The following CNTNAP4 variants were observed in gnomAD, a reference collection of about 807,000 sequenced individuals.
The protein encoded by CNTNAP4 is contactin-associated protein-like 4.
In CNTNAP4, 98 loss-of-function variants were observed where a neutral mutation model predicts 148.4. That is an observed-to-expected ratio of 0.66 (90% CI 0.56 to 0.78). The LOEUF is 0.78. Among genes scored for constraint, CNTNAP4 ranks in the 30% least tolerant of loss-of-function variants. The pLI, the probability that CNTNAP4 is intolerant of heterozygous loss-of-function variation, is 0.00. For synonymous variants in CNTNAP4, 730 were observed against 565.1 expected (o/e 1.29, Z -4.14); for missense variants, 1,935 against 1,565.6 (o/e 1.24, Z -3.98).
intron 17 of CNTNAP4, among the ~76,000 whole-genome samples, chr16:76,527,882 A>G (rs2083808292): frequency 1.3e-5 from 2 of 152,150 alleles, no homozygotes; most frequent in Admixed American, 1.3e-4. Context: ...AAAATGAATA[A>G]ATTACATGGA....
intron 3 of CNTNAP4, among the ~76,000 whole-genome samples, chr16:76,413,071 T>C (rs1246489498): frequency 2.0e-5 from 3 of 151,392 alleles, no homozygotes; most frequent in Non-Finnish European, 3.0e-5. Context: ...TGGATGGGGT[T>C]ATCCATTCCC....
chr16:76,436,339 C>A (rs1252270434), intron 4 of CNTNAP4, among the ~76,000 whole-genome samples: 1 of 152,146 alleles, frequency 6.6e-6, no homozygotes, highest in Non-Finnish European at 1.5e-5. Context: ...TCCTCCCGCA[C>A]ATCCCCATTC....
chr16:76,353,143 C>G lies in CNTNAP4; in HGVS notation c.197-2175C>G, dbSNP rs1278332691. ...AAAACTTGTAGCATGTAAAAAATTT[C>G]TGGATCCACAAAAGAGGAAGAGCAT... On this transcript the variant is annotated intron_variant, in intron 2 of 23. Coordinates refer to ENST00000611870, the MANE Select transcript of CNTNAP4 (RefSeq NM_033401.5). Among the ~76,000 whole-genome samples the G allele has an allele frequency of 2.6e-5, 4 of 152,134 alleles. No individual in the cohort carries two copies. The East Asian group carries it at 7.7e-4, about 29-fold the overall frequency.
At chr16:76,331,640 C>G (rs1480418044) in intron 2 of CNTNAP4, among the ~76,000 whole-genome samples, 1 of 151,952 alleles carries the variant, frequency 6.6e-6, no homozygotes, top group African/African-American at 2.4e-5. Flanking sequence ...TGTCTCTCCT[C>G]TTTTGTATGA....
chr16:76,281,291 T>C (rs991067767), intron 1 of CNTNAP4, among the ~76,000 whole-genome samples: 2 of 152,104 alleles, frequency 1.3e-5, no homozygotes, highest in African/African-American at 4.8e-5. Flanking sequence ...AAAGTACTGA[T>C]AAAATATAAT....
chr16:76,429,447 C>T (rs1421214238), intron 4 of CNTNAP4, among the ~76,000 whole-genome samples: 1 of 152,124 alleles, frequency 6.6e-6, no homozygotes, highest in Non-Finnish European at 1.5e-5. Flanking sequence ...AGACATTCTA[C>T]TAATAATTTA....
chr16:76,552,765 G>A (rs946115538), intron 21 of CNTNAP4, among the ~76,000 whole-genome samples: 4 of 152,114 alleles, frequency 2.6e-5, no homozygotes, highest in African/African-American at 4.8e-5. Flanking sequence ...ATGTTTGGGT[G>A]GGGCCATAAA....
At chr16:76,427,891 T>A (rs570083492) in intron 4 of CNTNAP4, among the ~76,000 whole-genome samples, 1 of 152,204 alleles carries the variant, frequency 6.6e-6, no homozygotes, top group Non-Finnish European at 1.5e-5. Flanking sequence ...GTTGTAACTT[T>A]CAAATATTAG....
chr16:76,393,108 C>A (rs760328123), intron 3 of CNTNAP4, among the ~76,000 whole-genome samples: 2 of 152,194 alleles, frequency 1.3e-5, no homozygotes, highest in Non-Finnish European at 2.9e-5. Flanking sequence ...ACAGATTCTC[C>A]ACCAAATTCA....
chr16:76,535,345 A>G (rs2144242811), intron 17 of CNTNAP4, among the ~76,000 whole-genome samples, 200 bp from the exon 18 acceptor site: 1 of 152,356 alleles, frequency 6.6e-6, no homozygotes, highest in African/African-American at 2.4e-5. Flanking sequence ...AAAAAATGTA[A>G]CATATTCAAC....
At chr16:76,368,615 T>G (rs2014431600) in intron 3 of CNTNAP4, among the ~76,000 whole-genome samples, 1 of 151,986 alleles carries the variant, frequency 6.6e-6, no homozygotes, top group South Asian at 2.1e-4. Flanking sequence ...AAGTGGGAGT[T>G]GAACAATGAG....
At chr16:76,410,104 A>C (rs2078740230) in intron 3 of CNTNAP4, among the ~76,000 whole-genome samples, 1 of 128,708 alleles carries the variant, frequency 7.8e-6, no homozygotes, top group African/African-American at 2.5e-5. Flanking sequence ...GGATTGTCTT[A>C]TTATTTTTTT....
intron 2 of CNTNAP4, among the ~76,000 whole-genome samples, chr16:76,336,600 A>C (rs767620434): frequency 6.6e-6 from 1 of 152,240 alleles, no homozygotes; most frequent in Non-Finnish European, 1.5e-5. Flanking sequence ...CCAGGACTTC[A>C]TTATTTGTTG....
chr16:76,368,816 A>AT, intron 3 of CNTNAP4, among the ~76,000 whole-genome samples: 1 of 152,276 alleles, frequency 6.6e-6, no homozygotes, highest in East Asian at 1.9e-4. Flanking sequence ...GAACTTAAGT[A>AT]TAATAAAAAA....
Position 76,293,835 on chromosome 16 carries a change from T to TA in CNTNAP4, c.85+16096dup, listed in dbSNP as rs201927804. 8.8e-3 allele frequency among the ~76,000 whole-genome samples: 1,281 copies of TA among 146,076 alleles called. 30 individuals carry two copies. Among genetic ancestry groups the TA allele is most frequent in the East Asian group, 0.082 (410 of 5,002 alleles). On this transcript the variant is annotated intron_variant, in intron 1 of 23. Coordinates refer to ENST00000611870, the MANE Select transcript of CNTNAP4 (RefSeq NM_033401.5). Reference sequence around the variant, plus strand: ...AACAAGCTGCTTTTTTTTTTTTTTTTAAAAAAAAGGATATAATTGATGCCC... The same window carrying TA: ...AACAAGCTGCTTTTTTTTTTTTTTTTAAAAAAAAAGGATATAATTGATGCCC...
At chr16:76,411,521 A>G (rs2144919151) in intron 3 of CNTNAP4, among the ~76,000 whole-genome samples, 1 of 151,472 alleles carries the variant, frequency 6.6e-6, no homozygotes, top group East Asian at 1.9e-4. Flanking sequence ...TAATGGTAAA[A>G]TGAGAGATGC....
chr16:76,454,958 T>C (rs905801574), intron 8 of CNTNAP4, among the ~76,000 whole-genome samples: 1 of 152,224 alleles, frequency 6.6e-6, no homozygotes, highest in Non-Finnish European at 1.5e-5. Context: ...TTAAATTGTA[T>C]TGAGAAAGAA....
intron 7 of CNTNAP4, among the ~76,000 whole-genome samples, chr16:76,450,407 C>G (rs2143206125): frequency 6.6e-6 from 1 of 152,298 alleles, no homozygotes; most frequent in East Asian, 1.9e-4. Context: ...GCCTCAGCCT[C>G]CCAAAGTGCT....
At chr16:76,302,220 A>T (rs1490794102) in intron 1 of CNTNAP4, among the ~76,000 whole-genome samples, 1 of 152,204 alleles carries the variant, frequency 6.6e-6, no homozygotes, top group Non-Finnish European at 1.5e-5. Flanking sequence ...ACAGAAAGTG[A>T]CAAAAAGCAA....
Sources: allele counts gnomAD v4.1 joint callset (sites outside exome capture counted in the v4.1 genomes callset), GRCh38; gene constraint gnomAD v4.1.1; transcripts MANE v1.5; gene names NCBI Gene and HGNC (gene_info 2026-07-23, HGNC 2026-07-21).